The following UVRAG variants were observed in gnomAD, a reference collection of about 807,000 sequenced individuals.
UVRAG encodes the protein UV radiation resistance-associated gene protein.
UVRAG carries 19 observed loss-of-function variants against 78.0 expected under a neutral mutation model. The observed-to-expected ratio is 0.24, with a 90% confidence interval of 0.17 to 0.36. The LOEUF (loss-of-function observed/expected upper bound fraction) is 0.36, where lower values mean the gene tolerates loss of function less well. Ranked by LOEUF, UVRAG falls within the 10% of genes least tolerant of loss-of-function variation. UVRAG has a pLI of 1.00. For missense variants in UVRAG, 740 were observed against 853.8 expected, an observed-to-expected ratio of 0.87 and a Z score of 1.66; for synonymous variants, 323 against 324.6, an observed-to-expected ratio of 1.00 and a Z score of 0.05.
rs1048636263 is a variant in UVRAG, at chr11:76,000,989, A to G, written c.827-3016A>G. Among the ~76,000 whole-genome samples the G allele has an allele frequency of 4.0e-4, 61 of 152,244 alleles. 2 individuals are homozygous for G. Among genetic ancestry groups the G allele is most frequent in the Non-Finnish European group, 1.6e-4 (11 of 68,028 alleles). ...AGAAAATCAGTTAAAAGACATTACT[A>G]TCAATTTTCTTCACCTAATTGATAG... is the stretch of plus-strand genomic sequence containing the variant. On this transcript the variant is annotated intron_variant, in intron 8 of 14. Coordinates refer to ENST00000356136, the MANE Select transcript of UVRAG (RefSeq NM_003369.4).
intron 12 of UVRAG, among the ~76,000 whole-genome samples, chr11:76,051,408 G>A (rs897923030): frequency 1.3e-5 from 2 of 152,170 alleles, no homozygotes; most frequent in Middle Eastern, 3.4e-3. Context: ...AAAAGACATG[G>A]TTTCCATCCT....
chr11:75,990,297 T>A (rs1479156353), intron 8 of UVRAG, among the ~76,000 whole-genome samples: 1 of 152,200 alleles, frequency 6.6e-6, no homozygotes, highest in African/African-American at 2.4e-5. Flanking sequence ...CTTAGTGTTA[T>A]CTCTACAATG....
chr11:75,830,315 G>A (rs1395966315), intron 1 of UVRAG, among the ~76,000 whole-genome samples: 2 of 151,070 alleles, frequency 1.3e-5, no homozygotes, highest in Non-Finnish European at 3.0e-5. Context: ...TTTCGGCCAG[G>A]CTGGAGTGCA....
intron 6 of UVRAG, among the ~76,000 whole-genome samples, chr11:75,926,031 C>A (rs1948094372): frequency 6.6e-6 from 1 of 151,890 alleles, no homozygotes; most frequent in Admixed American, 6.6e-5. Context: ...TTAGTCTTCC[C>A]AGTAAAAGTT....
At chr11:76,070,740 C>G (rs561497302) in intron 13 of UVRAG, among the ~76,000 whole-genome samples, 83 of 152,200 alleles carry the variant, frequency 5.5e-4, no homozygotes, top group Non-Finnish European at 9.0e-4. Context: ...CGTTAATATG[C>G]TAGACACAAA....
chr11:75,878,446 TC>T (rs1331887553), intron 3 of UVRAG: 2 of 170,062 alleles, frequency 1.2e-5, no homozygotes, highest in African/African-American at 4.9e-5. Context: ...GCTCCTCACT[TC>T]CTAGACGGGG....
chr11:76,114,722 T>A (rs531204591), intron 13 of UVRAG, among the ~76,000 whole-genome samples: 4 of 152,220 alleles, frequency 2.6e-5, no homozygotes, highest in Admixed American at 6.5e-5. Flanking sequence ...CAGAGAAAAA[T>A]CAGTTGAATT....
intron 1 of UVRAG, among the ~76,000 whole-genome samples, chr11:75,826,378 A>G (rs1945512221): frequency 6.6e-6 from 1 of 151,166 alleles, no homozygotes; most frequent in Non-Finnish European, 1.5e-5. Context: ...GCTGGTCTCA[A>G]ACTCCTGACC....
At chr11:76,007,470 A>G (rs771844570) in intron 9 of UVRAG, 64 bp from the exon 10 acceptor site, 5 of 1,287,960 alleles carry the variant, frequency 3.9e-6, no homozygotes, top group Non-Finnish European at 5.5e-6. Context: ...TTGTGTGGAA[A>G]TAAATGTTAC....
chr11:75,838,191 T>G (rs1428094969), intron 1 of UVRAG, among the ~76,000 whole-genome samples: 1 of 152,244 alleles, frequency 6.6e-6, no homozygotes, highest in Non-Finnish European at 1.5e-5. Flanking sequence ...AGCATTTCAC[T>G]GTAGGATATA....
chr11:75,965,397 C>T (rs747668059), intron 7 of UVRAG, among the ~76,000 whole-genome samples: 31 of 152,158 alleles, frequency 2.0e-4, no homozygotes, highest in Non-Finnish European at 4.0e-4. Context: ...CTGCACCCTC[C>T]GACTTCCGGG....
intron 8 of UVRAG, among the ~76,000 whole-genome samples, chr11:76,002,754 T>A (rs1949840675): frequency 6.6e-6 from 1 of 152,096 alleles, no homozygotes; most frequent in Non-Finnish European, 1.5e-5. Context: ...CTTCATAGTA[T>A]GTTGAAAGAG....
At chr11:76,061,909 G>A (rs769385518) in intron 12 of UVRAG, among the ~76,000 whole-genome samples, 7 of 152,222 alleles carry the variant, frequency 4.6e-5, no homozygotes, top group Admixed American at 1.3e-4. Flanking sequence ...ATTGAGTCCA[G>A]TGGATCATCC....
chr11:75,908,965 T>G (rs1030000242), intron 5 of UVRAG, among the ~76,000 whole-genome samples: 2 of 152,186 alleles, frequency 1.3e-5, no homozygotes, highest in African/African-American at 4.8e-5. Flanking sequence ...CCTTCTTATT[T>G]CTGTAAGATT....
At chr11:76,021,840 G>A (rs1029279574) in intron 12 of UVRAG, among the ~76,000 whole-genome samples, 2 of 152,184 alleles carry the variant, frequency 1.3e-5, no homozygotes, top group Non-Finnish European at 2.9e-5. Context: ...GATACTTTGA[G>A]GCCAGGAGTT....
chr11:75,887,769 A>G (rs1191767296), intron 4 of UVRAG, among the ~76,000 whole-genome samples: 1 of 150,576 alleles, frequency 6.6e-6, no homozygotes, highest in East Asian at 2.0e-4. Context: ...TTTTTAGTAG[A>G]GACGGGGTTT....
Position 76,136,654 on chromosome 11 carries a change from T to C in UVRAG, c.1398-4057T>C, listed in dbSNP as rs11236622. On this transcript the variant is annotated intron_variant, in intron 14 of 14. Coordinates refer to ENST00000356136, the MANE Select transcript of UVRAG (RefSeq NM_003369.4). ...CTGGGACTACAAGCGCTCACCACCA[T>C]ACCCAGCTAATTTTTTAATTTTTTA... is the stretch of plus-strand genomic sequence containing the variant. 6.0e-5 allele frequency among the ~76,000 whole-genome samples: 9 copies of C among 150,842 alleles called. No individual in the cohort carries two copies. In the East Asian group the frequency reaches 1.4e-3, roughly 23 times the overall value.
chr11:75,897,871 A>ATTTTTT lies in UVRAG; in HGVS notation c.507+8981_507+8986dup, dbSNP rs146122619. On this transcript the variant is annotated intron_variant, in intron 5 of 14. Transcript: ENST00000356136. ...ATATACTTACCTTCATAGCTCTTTA[A>ATTTTTT]TTTTTTTTTTTTTTTTTTGGACAAG... Among the ~76,000 whole-genome samples the ATTTTTT allele has an allele frequency of 9.2e-5, 10 of 108,890 alleles. 2 individuals carry two copies. Among genetic ancestry groups the ATTTTTT allele is most frequent in the Admixed American group, 3.3e-4 (3 of 9,056 alleles). The allele number at this position is 108,890 out of a possible 152,430, so 71.4% of individuals were successfully genotyped here.
chr11:76,004,063 G>A lies in UVRAG; in HGVS notation c.885G>A (p.Glu295=). ...KLQLQKESLN[E]LRKECTAKRE... ...AACTCCAGAAGGAATCCCTAAATGA[G>A]CTGAGGAAGGAGTGCACTGCAAAAA... Residue 295 remains glutamate (E), a synonymous_variant, in exon 9 of 15, where the codon GAG becomes GAA. Transcript: ENST00000356136. The A allele has an allele frequency of 1.2e-6, 2 of 1,613,942 alleles. No individual in the cohort carries two copies. Among genetic ancestry groups the A allele is most frequent in the South Asian group, 2.2e-5 (2 of 91,072 alleles).
Sources: gnomAD v4.1 joint callset for allele counts (sites outside exome capture counted in the v4.1 genomes callset) on GRCh38, gnomAD v4.1.1 for gene constraint, MANE v1.5 for transcripts, NCBI Gene and HGNC (gene_info 2026-07-23, HGNC 2026-07-21) for gene names.